SCTR: variants seen among roughly 807,000 people sequenced by gnomAD.
SCTR encodes secretin receptor.
In SCTR, 56 loss-of-function variants were observed where a neutral mutation model predicts 60.8. That is an observed-to-expected ratio of 0.92 (90% CI 0.74 to 1.15). The LOEUF (loss-of-function observed/expected upper bound fraction) is 1.15, where lower values mean the gene tolerates loss of function less well. Ranked by LOEUF, SCTR falls within the 50% of genes most tolerant of loss-of-function variation. The pLI, the probability that SCTR is intolerant of heterozygous loss-of-function variation, is 0.00. For synonymous variants in SCTR, 202 were observed against 217.0 expected (o/e 0.93, Z 0.61); for missense variants, 562 against 550.4 (o/e 1.02, Z -0.21).
intron 1 of SCTR, among the ~76,000 whole-genome samples, chr2:119,516,936 C>T (rs1679134419): frequency 6.6e-6 from 1 of 152,130 alleles, no homozygotes; most frequent in African/African-American, 2.4e-5. Context: ...CCATTGCACT[C>T]TGGGCTGGGC....
chr2:119,507,956 A>G (rs1678803038), intron 1 of SCTR, among the ~76,000 whole-genome samples: 1 of 151,188 alleles, frequency 6.6e-6, no homozygotes, highest in African/African-American at 2.4e-5. Context: ...GCTCATTCTC[A>G]CTCTTACCAC....
chr2:119,489,652 T>C (rs1321305009), intron 2 of SCTR, among the ~76,000 whole-genome samples: 1 of 151,762 alleles, frequency 6.6e-6, no homozygotes, highest in Non-Finnish European at 1.5e-5. Flanking sequence ...TCTGAAAAGG[T>C]GGGTAGCTTC....
chr2:119,458,115 G>A (rs1683446338), intron 7 of SCTR, among the ~76,000 whole-genome samples: 1 of 151,108 alleles, frequency 6.6e-6, no homozygotes, highest in African/African-American at 2.4e-5. Context: ...GCAACATAGT[G>A]AGACACTGTC....
In SCTR at chr2:119,444,204, T is replaced by TACACAC. The variant is rs1558830698; in HGVS notation, c.1140+2554_1140+2555insGTGTGT. Among the ~76,000 whole-genome samples the TACACAC allele has an allele frequency of 6.9e-5, 9 of 130,398 alleles. 1 individual carries two copies. The highest frequency in any genetic ancestry group is 3.5e-4 in the African/African-American group (9 of 25,658). The allele number at this position is 130,398 out of a possible 152,430, so 85.5% of individuals were successfully genotyped here. On this transcript the variant is annotated intron_variant, in intron 11 of 12. Coordinates refer to ENST00000019103, the MANE Select transcript of SCTR (RefSeq NM_002980.3). ...ACATATGAATATATACACATATGTATATATACATATGAATATATACACATA... is the reference window on the plus strand; with the variant it reads ...ACATATGAATATATACACATATGTATACACACATATACATATGAATATATACACATA...
chr2:119,447,396 A>G (rs868408493), intron 10 of SCTR, among the ~76,000 whole-genome samples: 15 of 152,280 alleles, frequency 9.9e-5, no homozygotes, highest in African/African-American at 3.6e-4. Flanking sequence ...TTGAAAAACG[A>G]TTTGTTGTTT....
At position 119,524,210 on chromosome 2, in the gene SCTR, G is replaced by T. The variant is rs1271057752; in HGVS notation, c.17C>A (p.Ser6Ter). 6.6e-7 allele frequency: 1 copy of T among 1,511,012 alleles called. No individual in the cohort carries two copies. The highest frequency in any genetic ancestry group is 2.8e-5 in the East Asian group (1 of 35,930). The allele number at this position is 1,511,012 out of a possible 1,614,324, so 93.6% of individuals were successfully genotyped here. A position where few individuals can be genotyped will look rare whatever the true frequency, so the allele number is the denominator to read the frequency against. Residue 6 changes from serine (S) to a stop codon, truncating the protein, a stop_gained, in exon 1 of 13, where the codon TCG becomes TAG. Coordinates refer to ENST00000019103, the MANE Select transcript of SCTR (RefSeq NM_002980.3). LOFTEE classifies it high-confidence loss of function. The part of the protein sequence containing the change: MRPHL[S>*]PPLQQLLLPV... ...CAGTAGTAGCTGCTGCAGCGGCGGC[G>T]ACAGGTGGGGACGCATGGTGCCCGC...
At chr2:119,459,257 T>C (rs1055480287) in intron 7 of SCTR, among the ~76,000 whole-genome samples, 7 of 152,136 alleles carry the variant, frequency 4.6e-5, no homozygotes, top group African/African-American at 1.7e-4. Context: ...TTTGACATAA[T>C]ACAGAACATG....
chr2:119,521,634 C>G (rs1679289196), intron 1 of SCTR, among the ~76,000 whole-genome samples: 1 of 152,092 alleles, frequency 6.6e-6, no homozygotes, highest in Admixed American at 6.6e-5. Flanking sequence ...ACTTCTGACG[C>G]CTCCCTATAT....
intron 2 of SCTR, among the ~76,000 whole-genome samples, chr2:119,491,416 C>T (rs1258906795): frequency 6.6e-6 from 1 of 152,184 alleles, no homozygotes; most frequent in Non-Finnish European, 1.5e-5. Context: ...CTCGTGGAGG[C>T]CCAGGCCAGG....
In SCTR at chr2:119,478,506, C is replaced by T. The variant is rs116951142; in HGVS notation, c.301+305G>A. 3.3e-3 allele frequency among the ~76,000 whole-genome samples: 498 copies of T among 152,236 alleles called. 18 individuals are homozygous for T. The East Asian group carries it at 0.071, about 22-fold the overall frequency. On this transcript the variant is annotated intron_variant, in intron 3 of 12. Transcript: ENST00000019103. ...ACAAGGCCCCTGGTTGCTAAGGGGG[C>T]AGAAACATGGAAGGAAGGAAGAGAG... is the stretch of plus-strand genomic sequence containing the variant.
Position 119,465,789 on chromosome 2 carries a change from C to G in SCTR, c.503G>C (p.Arg168Pro), listed in dbSNP as rs1342136350. 1 of 1,606,408 alleles carries G rather than the reference C, an allele frequency of 6.2e-7. No homozygotes were observed. The highest frequency in any genetic ancestry group is 1.7e-5 in the Admixed American group (1 of 59,962). ...LVALGILCAF[R>P]RLHCTRNYIH... ...TGGAGAGCTGGCAGTGTGTTCTCAC[C>G]GGAAAGCACAGAGGATGCCAAGGGC... is the stretch of plus-strand genomic sequence containing the variant. Residue 168 changes from arginine to proline, a missense_variant and splice_region_variant, in exon 5 of 13, where the codon CGG becomes CCG. By Grantham distance (103) the Arg-to-Pro change is moderately radical (BLOSUM62 -2). Coordinates refer to ENST00000019103, the MANE Select transcript of SCTR (RefSeq NM_002980.3).
chr2:119,485,010 G>A (rs926214426), intron 2 of SCTR, among the ~76,000 whole-genome samples: 6 of 152,152 alleles, frequency 3.9e-5, no homozygotes, highest in African/African-American at 1.2e-4. Flanking sequence ...CAGCCTTGCC[G>A]AGCCCATGCC....
intron 12 of SCTR, 143 bp from the exon 13 acceptor site, chr2:119,440,400 A>G: frequency 1.1e-6 from 1 of 913,282 alleles, no homozygotes; most frequent in South Asian, 1.8e-5. Flanking sequence ...ACGCAGATTG[A>G]CTGTTTCCAG....
chr2:119,461,846 C>A lies in SCTR; in HGVS notation c.790+1G>T, dbSNP rs1314507424. 1.2e-6 allele frequency: 2 copies of A among 1,610,766 alleles called. No individual in the cohort carries two copies. Among genetic ancestry groups the A allele is most frequent in the Admixed American group, 1.7e-5 (1 of 59,814 alleles). On this transcript the variant is annotated splice_donor_variant, in intron 7 of 12. Coordinates refer to ENST00000019103, the MANE Select transcript of SCTR (RefSeq NM_002980.3). LOFTEE classifies it high-confidence loss of function. ...GATATCAGACCCAGGGAGAAACATA[C>A]CCCATCCGAATGCCACAAATCCCTG... is the stretch of plus-strand genomic sequence containing the variant.
In SCTR at chr2:119,440,152, G is replaced by A. The variant is rs199993745; in HGVS notation, c.1288C>T (p.Gln430Ter). Residue 430 changes from glutamine to a stop codon, truncating the protein, a stop_gained, in exon 13 of 13, where the codon CAG becomes TAG. Transcript: ENST00000019103. LOFTEE classifies it high-confidence loss of function. Reference protein sequence around the residue: ...SNSTKASHLEQSQGTCRTSII With the variant: ...SNSTKASHLE Reference sequence around the variant, plus strand: ...CTGGTCCTGCAGGTGCCCTGGCTCTGCTCCAAGTGGCTGGCCTTGGTGCTG... The same window carrying A: ...CTGGTCCTGCAGGTGCCCTGGCTCTACTCCAAGTGGCTGGCCTTGGTGCTG... The A allele has an allele frequency of 6.2e-7, 1 of 1,614,060 alleles. No homozygotes were observed.
intron 4 of SCTR, among the ~76,000 whole-genome samples, chr2:119,466,682 T>G (rs921885852): frequency 6.6e-6 from 1 of 151,920 alleles, no homozygotes; most frequent in Non-Finnish European, 1.5e-5. Context: ...GCCTGGGAGG[T>G]CAAGGCTGCA....
intron 1 of SCTR, among the ~76,000 whole-genome samples, chr2:119,509,346 C>T (rs1678860017): frequency 6.6e-6 from 1 of 152,088 alleles, no homozygotes; most frequent in African/African-American, 2.4e-5. Context: ...ATTGTTATGC[C>T]GCCTAGCTGA....
At chr2:119,479,429 C>G (rs188763874) in intron 2 of SCTR, 32 of 214,186 alleles carry the variant, frequency 1.5e-4, no homozygotes, top group South Asian at 3.3e-4. Flanking sequence ...GTAATTCTAA[C>G]GTTTGACTGC....
chr2:119,445,476 C>T (rs1290923862), intron 11 of SCTR, among the ~76,000 whole-genome samples: 1 of 152,174 alleles, frequency 6.6e-6, no homozygotes, highest in Non-Finnish European at 1.5e-5. Context: ...GACCTGACTC[C>T]ACTCAGTGAT....
Sources: gnomAD v4.1 joint callset for allele counts (sites outside exome capture counted in the v4.1 genomes callset) on GRCh38, gnomAD v4.1.1 for gene constraint, MANE v1.5 for transcripts, NCBI Gene and HGNC (gene_info 2026-07-23, HGNC 2026-07-21) for gene names.